Variants in RPTOR observed in about 807,000 individuals in gnomAD.
The protein encoded by RPTOR is regulatory-associated protein of mTOR.
RPTOR carries 21 observed loss-of-function variants against 169.9 expected under a neutral mutation model. That is an observed-to-expected ratio of 0.12 (90% CI 0.09 to 0.18). The LOEUF (loss-of-function observed/expected upper bound fraction) is 0.18, where lower values mean the gene tolerates loss of function less well. Ranked by LOEUF, RPTOR falls within the 10% of genes least tolerant of loss-of-function variation. The pLI, the probability that RPTOR is intolerant of heterozygous loss-of-function variation, is 1.00. For synonymous variants in RPTOR, 732 were observed against 753.2 expected, an observed-to-expected ratio of 0.97 and a Z score of 0.46; for missense variants, 1,133 against 1,855.9, an observed-to-expected ratio of 0.61 and a Z score of 7.16.
chr17:80,882,709 A>G (rs1223198077), intron 14 of RPTOR, among the ~76,000 whole-genome samples: 1 of 152,256 alleles, frequency 6.6e-6, no homozygotes, highest in African/African-American at 2.4e-5. Flanking sequence ...GCAAAAAGCC[A>G]AGAAGTTGGC....
chr17:80,761,820 G>T (rs2066739328), intron 6 of RPTOR, among the ~76,000 whole-genome samples: 1 of 152,208 alleles, frequency 6.6e-6, no homozygotes, highest in Non-Finnish European at 1.5e-5. Context: ...TCCTGCATAT[G>T]TGCGAAGGGA....
chr17:80,686,365 T>TTTTTATTTTTATTTTTTTA (rs2065948057), intron 3 of RPTOR, among the ~76,000 whole-genome samples: 1 of 150,634 alleles, frequency 6.6e-6, no homozygotes, highest in African/African-American at 2.5e-5. Context: ...TTTTTTATTT[T>TTTTTATTTTTATTTTTTTA]TAGTAGAGAC....
chr17:80,663,351 A>C (rs1307391407), intron 3 of RPTOR, among the ~76,000 whole-genome samples: 1 of 152,194 alleles, frequency 6.6e-6, no homozygotes, highest in African/African-American at 2.4e-5. Context: ...GTATGTTTCC[A>C]GTTACATTTT....
intron 13 of RPTOR, among the ~76,000 whole-genome samples, chr17:80,877,205 C>G (rs1431016977): frequency 6.6e-6 from 1 of 152,180 alleles, no homozygotes; most frequent in Admixed American, 6.5e-5. Context: ...GTAATTTGGG[C>G]GAGTGAGCAG....
intron 1 of RPTOR, among the ~76,000 whole-genome samples, chr17:80,576,765 A>G (rs2064967419): frequency 1.3e-5 from 2 of 152,226 alleles, no homozygotes; most frequent in African/African-American, 4.8e-5. Context: ...GTAAAGTGGC[A>G]TGACCTTGGC....
rs141467411 is a variant in RPTOR, at chr17:80,818,841, A to T, written c.891-3360A>T. Among the ~76,000 whole-genome samples, 602 of 152,298 alleles carry T rather than the reference A, an allele frequency of 4.0e-3. 5 individuals carry two copies. The highest frequency in any genetic ancestry group is 0.014 in the African/African-American group (589 of 41,552). On this transcript the variant is annotated intron_variant, in intron 7 of 33. Transcript: ENST00000306801. ...TTTGTAAAAACACAACTAAGTACAC[A>T]CTGGTCCTATCTGGCCTCCGTTTAT...
chr17:80,566,047 T>A (rs2084585090), intron 1 of RPTOR, among the ~76,000 whole-genome samples: 2 of 152,376 alleles, frequency 1.3e-5, no homozygotes, highest in African/African-American at 2.4e-5. Flanking sequence ...ACATAGTTTT[T>A]ATCTAAGAGA....
intron 9 of RPTOR, among the ~76,000 whole-genome samples, chr17:80,834,168 C>T (rs966208005): frequency 2.0e-5 from 3 of 152,214 alleles, no homozygotes; most frequent in Admixed American, 6.5e-5. Context: ...TCTTCCCTGC[C>T]TTGCTCTGAG....
rs373644014 is a variant in RPTOR at position 80,837,917 on chromosome 17, C to T, written c.1137-5C>T. 78 of 1,609,970 alleles carry T rather than the reference C, an allele frequency of 4.8e-5. No homozygotes were observed. In the African/African-American group the frequency reaches 7.3e-4, roughly 15 times the overall value. Reference sequence around the variant, plus strand: ...CTCAGTGGATTTCCTCTGTTCTCTCCGCAGGCAAGCCTGGGACCTGGCTGT... The same window carrying T: ...CTCAGTGGATTTCCTCTGTTCTCTCTGCAGGCAAGCCTGGGACCTGGCTGT... On this transcript the variant is annotated splice_polypyrimidine_tract_variant and splice_region_variant and intron_variant, in intron 9 of 33. Transcript: ENST00000306801.
intron 9 of RPTOR, among the ~76,000 whole-genome samples, chr17:80,830,597 C>T (rs891547588): frequency 6.6e-6 from 1 of 152,202 alleles, no homozygotes; most frequent in Non-Finnish European, 1.5e-5. Flanking sequence ...CCGCTGCTGT[C>T]CAGTGGCTTC....
In RPTOR at chr17:80,861,314, A is replaced by ACAGGAC. The variant is rs1219994492; in HGVS notation, c.1509+3420_1509+3425dup. Among the ~76,000 whole-genome samples, 3 of 144,726 alleles carry ACAGGAC rather than the reference A, an allele frequency of 2.1e-5. 1 individual carries two copies. The highest frequency in any genetic ancestry group is 1.4e-4 in the Admixed American group (2 of 14,630). The allele number at this position is 144,726 out of a possible 152,430, so 94.9% of individuals were successfully genotyped here. The stretch of plus-strand genomic sequence containing the variant: ...CTGTGTAAATTATAGAGGAACAGGA[A>ACAGGAC]CAGGACCAGGAAGGGGCACCACGTA... On this transcript the variant is annotated intron_variant, in intron 13 of 33. Coordinates refer to ENST00000306801, the MANE Select transcript of RPTOR (RefSeq NM_020761.3). This position sits in a 1 kb window ranked among gnomAD's most constrained non-coding sequence, Gnocchi z 4.5.
chr17:80,744,433 CCCTGGCTACTAGCACTGT>C (rs1567888681), intron 5 of RPTOR, among the ~76,000 whole-genome samples: 664 of 17,754 alleles, frequency 0.037, 2 homozygotes, highest in Admixed American at 0.075. Context: ...ACTAGCACAG[CCCTGGCTACTAGCACTGT>C]CCTGGTTACT....
chr17:80,603,263 GA>G (rs2065203930), intron 1 of RPTOR, among the ~76,000 whole-genome samples: 1 of 152,196 alleles, frequency 6.6e-6, no homozygotes, highest in Non-Finnish European at 1.5e-5. Flanking sequence ...AACCTATCAA[GA>G]AACCGCTAAA....
intron 5 of RPTOR, among the ~76,000 whole-genome samples, chr17:80,731,139 A>G (rs1458537026): frequency 6.6e-6 from 1 of 152,160 alleles, no homozygotes; most frequent in East Asian, 1.9e-4. Flanking sequence ...TCAGCCTGCA[A>G]AGTTCTGGGA....
At position 80,860,973 on chromosome 17, in the gene RPTOR, A is replaced by C. The variant is rs1321895177; in HGVS notation, c.1509+3073A>C. ...TGACCTTGACCTCAGTTCAACCTTG[A>C]ACCCTCCTGGGCCCAGTGCTCTGCA... On this transcript the variant is annotated intron_variant, in intron 13 of 33. Coordinates refer to ENST00000306801, the MANE Select transcript of RPTOR (RefSeq NM_020761.3). The surrounding 1 kb of genome is among the most constrained non-coding windows in gnomAD (Gnocchi z 5.8). Among the ~76,000 whole-genome samples, 7 of 111,440 alleles carry C rather than the reference A, an allele frequency of 6.3e-5. 1 individual carries two copies. In the East Asian group the frequency reaches 1.7e-3, roughly 27 times the overall value. The allele number at this position is 111,440 out of a possible 152,430, so 73.1% of individuals were successfully genotyped here.
chr17:80,616,216 A>G (rs967422250), intron 1 of RPTOR, among the ~76,000 whole-genome samples: 9 of 152,184 alleles, frequency 5.9e-5, no homozygotes, highest in Admixed American at 3.3e-4. Flanking sequence ...TGCATCAGGA[A>G]TAGTAAAGCT....
intron 6 of RPTOR, among the ~76,000 whole-genome samples, chr17:80,766,124 C>T (rs746404476): frequency 9.2e-5 from 14 of 152,212 alleles, no homozygotes; most frequent in Admixed American, 1.3e-4. Context: ...GGTGTGAACA[C>T]GGCCCACCGT....
At chr17:80,596,339 T>TG (rs1209556913) in intron 1 of RPTOR, among the ~76,000 whole-genome samples, 1 of 152,214 alleles carries the variant, frequency 6.6e-6, no homozygotes, top group Non-Finnish European at 1.5e-5. Context: ...GTTAAACCTG[T>TG]TGTAACACTG....
rs774937584 is a variant in RPTOR at position 80,643,756 on chromosome 17, T to C, written c.294T>C (p.Ala98=). The change falls in exon 3 of 34, where the codon GCT becomes GCC. Residue 98 remains alanine, a synonymous_variant. Coordinates refer to ENST00000306801, the MANE Select transcript of RPTOR (RefSeq NM_020761.3). ...CTCTGTCGATGGGTCCTCAGAAAGC[T>C]CTGGAAACCATCGGTGCAAATTTAC... The part of the protein sequence containing the change: ...IDPLSMGPQK[A]LETIGANLQK... 1 of 1,613,462 alleles carries C rather than the reference T, an allele frequency of 6.2e-7. No homozygotes were observed. The highest frequency in any genetic ancestry group is 1.7e-5 in the Admixed American group (1 of 59,912).
Sources: gnomAD v4.1 joint callset for allele counts (sites outside exome capture counted in the v4.1 genomes callset) on GRCh38, gnomAD v4.1.1 for gene constraint, Gnocchi (gnomAD v3.1) non-coding constraint, MANE v1.5 for transcripts, NCBI Gene and HGNC (gene_info 2026-07-23, HGNC 2026-07-21) for gene names.